Variants in MMP27 observed in about 807,000 individuals in gnomAD.
MMP27 encodes matrix metallopeptidase 27.
Under a neutral mutation model 48.1 loss-of-function variants are expected in MMP27, and 51 were observed. The observed-to-expected ratio is 1.06, with a 90% CI of 0.85 to 1.34. The LOEUF is 1.34. MMP27 is among the 40% of genes most tolerant of loss of function. MMP27 has a pLI of 0.00. For missense variants in MMP27, 698 were observed against 619.3 expected (o/e 1.13, Z -1.35); for synonymous variants, 229 against 208.9 (o/e 1.10, Z -0.83).
chr11:102,703,042 T>C lies in MMP27; in HGVS notation c.418A>G (p.Lys140Glu). ...AIQEGLEVWSKVTPLKFTKIS... is the reference protein window; with the variant it reads ...AIQEGLEVWSEVTPLKFTKIS... ...TTGGTGAATTTTAGTGGAGTGACTT[T>C]GCTCCACACTTCTAAACCTTCTTGG... The change falls in exon 3 of 10, where the codon AAA becomes GAA. Residue 140 changes from lysine to glutamate, a missense_variant. Physicochemically the swap from Lys to Glu is moderately conservative, Grantham distance 56 (BLOSUM62 1). Transcript: ENST00000260229. 1 of 1,614,116 alleles carries C rather than the reference T, an allele frequency of 6.2e-7. No individual in the cohort carries two copies. Among genetic ancestry groups the C allele is most frequent in the Non-Finnish European group, 8.5e-7 (1 of 1,179,922 alleles).
In MMP27 at chr11:102,694,034, A is replaced by T; in HGVS notation, c.1065T>A (p.Ala355=). ...DENFWMIRGY[A]VLPDYPKSIH... is the part of the protein sequence containing the mutation. The stretch of plus-strand genomic sequence containing the variant: ...TGGATTTGGGATAATCTGGCAAGAC[A>T]GCATATCCTCTGATCATCCAGAAGT... The change falls in exon 8 of 10, where the codon GCT becomes GCA. Residue 355 remains alanine, a synonymous_variant. Coordinates refer to ENST00000260229, the MANE Select transcript of MMP27 (RefSeq NM_022122.3). 6.2e-7 allele frequency: 1 copy of T among 1,602,718 alleles called. No homozygotes were observed. Among genetic ancestry groups the T allele is most frequent in the Non-Finnish European group, 8.5e-7 (1 of 1,175,022 alleles).
In MMP27 at chr11:102,704,547, G is replaced by C; in HGVS notation, c.331C>G (p.Leu111Val). 1 of 1,611,184 alleles carries C rather than the reference G, an allele frequency of 6.2e-7. No homozygotes were observed. Among genetic ancestry groups the C allele is most frequent in the South Asian group, 1.1e-5 (1 of 90,932 alleles). Residue 111 changes from leucine (L) to valine (V), a missense_variant, in exon 2 of 10, where the codon CTC (leucine) becomes GTC (valine). Leu to Val is a conservative substitution (Grantham distance 32, BLOSUM62 1). Transcript: ENST00000260229. ...TGGCAGAAGCATTACCTGTAGGTGAGGTTGTATTTTCTCCACCCAGGGAGG... is the reference window on the plus strand; with the variant it reads ...TGGCAGAAGCATTACCTGTAGGTGACGTTGTATTTTCTCCACCCAGGGAGG... ...YTLPGWRKYNLTYRIINYTPD... is the reference protein window; with the variant it reads ...YTLPGWRKYNVTYRIINYTPD...
intron 4 of MMP27, among the ~76,000 whole-genome samples, chr11:102,702,501 G>A (rs547057085): frequency 2.6e-5 from 4 of 152,298 alleles, no homozygotes; most frequent in Admixed American, 6.5e-5. Flanking sequence ...GTATAGTTCC[G>A]GGCACACAGT....
chr11:102,700,886 T>A (rs1261638518), intron 4 of MMP27, among the ~76,000 whole-genome samples: 1 of 152,258 alleles, frequency 6.6e-6, no homozygotes, highest in Non-Finnish European at 1.5e-5. Context: ...ATAGCATCAT[T>A]GGCAGATGAT....
intron 6 of MMP27, among the ~76,000 whole-genome samples, chr11:102,695,419 G>A (rs1216466458): frequency 6.6e-6 from 1 of 152,202 alleles, no homozygotes; most frequent in Non-Finnish European, 1.5e-5. Flanking sequence ...CCAACACCAA[G>A]CATTCCTAAG....
rs139015378 is a variant in MMP27, at chr11:102,704,685, C to T, written c.193G>A (p.Glu65Lys). The T allele has an allele frequency of 1.4e-5, 22 of 1,613,824 alleles. No homozygotes were observed. The highest frequency in any genetic ancestry group is 6.7e-5 in the African/African-American group (5 of 74,862). Reference sequence around the variant, plus strand: ...GTCAATCCAAAAAATGCTTGCATTTCCCGAATTTTGTCATCTATGAGACTC... The same window carrying T: ...GTCAATCCAAAAAATGCTTGCATTTTCCGAATTTTGTCATCTATGAGACTC... ...NRSLIDDKIREMQAFFGLTVT... is the reference protein window; with the variant it reads ...NRSLIDDKIRKMQAFFGLTVT... The change falls in exon 2 of 10, where the codon GAA becomes AAA. Residue 65 changes from glutamate to lysine, a missense_variant. By Grantham distance (56) the Glu-to-Lys change is moderately conservative. Transcript: ENST00000260229.
intron 2 of MMP27, 129 bp from the exon 3 acceptor site, chr11:102,703,247 AC>A: frequency 3.9e-6 from 3 of 769,856 alleles, no homozygotes; most frequent in Non-Finnish European, 6.1e-6. Flanking sequence ...CAATTATCTT[AC>A]AGTTGCATTA....
chr11:102,704,852 A>C, intron 1 of MMP27, 77 bp from the exon 2 acceptor site: 1 of 887,840 alleles, frequency 1.1e-6, no homozygotes, highest in Non-Finnish European at 1.7e-6. Flanking sequence ...GATAAAGCAA[A>C]ATTGCCTAAA....
chr11:102,697,689 G>C lies in MMP27; in HGVS notation c.620-854C>G, dbSNP rs143338776. The stretch of plus-strand genomic sequence containing the variant: ...GCTAATTTTCTTATTTATTTTTGTA[G>C]AGATGGGGGTCTCACTATGTTGCCC... On this transcript the variant is annotated intron_variant, in intron 4 of 9. Transcript: ENST00000260229. Among the ~76,000 whole-genome samples, 195 of 152,044 alleles carry C rather than the reference G, an allele frequency of 1.3e-3. 4 individuals are homozygous for C. In the East Asian group the frequency reaches 0.031, roughly 24 times the overall value.
At chr11:102,692,538 AGATTCTTAG>A (rs1318598369) in intron 9 of MMP27, among the ~76,000 whole-genome samples, 2 of 152,218 alleles carry the variant, frequency 1.3e-5, no homozygotes, top group African/African-American at 4.8e-5. Context: ...TTAAAACTGC[AGATTCTTAG>A]GTATCACTCA....
intron 4 of MMP27, among the ~76,000 whole-genome samples, chr11:102,699,039 T>A (rs1386984566): frequency 1.3e-5 from 2 of 152,176 alleles, no homozygotes; most frequent in Admixed American, 6.5e-5. Flanking sequence ...AAGTGTTGTC[T>A]AATGCAAAAA....
chr11:102,692,819 T>C, intron 9 of MMP27, 119 bp downstream of exon 9: 1 of 712,344 alleles, frequency 1.4e-6, no homozygotes, highest in Non-Finnish European at 2.4e-6. Context: ...TTTATTATTG[T>C]ATATACTTAA....
At chr11:102,705,068 C>T (rs1017576617) in intron 1 of MMP27, among the ~76,000 whole-genome samples, 7 of 152,118 alleles carry the variant, frequency 4.6e-5, no homozygotes, top group African/African-American at 9.7e-5. Context: ...AATGAAGCTT[C>T]GTCTGTCTGT....
chr11:102,704,627 T>C lies in MMP27; in HGVS notation c.251A>G (p.Glu84Gly), dbSNP rs778145533. The C allele has an allele frequency of 6.2e-6, 10 of 1,614,156 alleles. No homozygotes were observed. In the South Asian group the frequency reaches 9.9e-5, roughly 16 times the overall value. Residue 84 changes from glutamate (E) to glycine (G), a missense_variant, in exon 2 of 10, where the codon GAG becomes GGG. By Grantham distance (98) the Glu-to-Gly change is moderately conservative. Coordinates refer to ENST00000260229, the MANE Select transcript of MMP27 (RefSeq NM_022122.3). Reference sequence around the variant, plus strand: ...CCCACACCTGGGTGTCTTCATGATCTCAAGGGTGTTTGAGTCCAGTTTTCC... The same window carrying C: ...CCCACACCTGGGTGTCTTCATGATCCCAAGGGTGTTTGAGTCCAGTTTTCC... ...VTGKLDSNTLEIMKTPRCGVP... is the reference protein window; with the variant it reads ...VTGKLDSNTLGIMKTPRCGVP...
At position 102,695,018 on chromosome 11, in the gene MMP27, C is replaced by A; in HGVS notation, c.982G>T (p.Asp328Tyr). 6.2e-7 allele frequency: 1 copy of A among 1,613,968 alleles called. No individual in the cohort carries two copies. Among genetic ancestry groups the A allele is most frequent in the Non-Finnish European group, 8.5e-7 (1 of 1,179,930 alleles). Residue 328 changes from aspartate (D) to tyrosine (Y), a missense_variant, in exon 7 of 10, where the codon GAT becomes TAT. By Grantham distance (160) the Asp-to-Tyr change is radical (BLOSUM62 -3). Transcript: ENST00000260229. ...GGGTTCTCGTATGCAGCTTGCAGATCAGCTGGCAGAGATGGCCAGAATGAA... is the reference window on the plus strand; with the variant it reads ...GGGTTCTCGTATGCAGCTTGCAGATAAGCTGGCAGAGATGGCCAGAATGAA... ...IASFWPSLPA[D>Y]LQAAYENPRD...
chr11:102,704,439 G>T, intron 2 of MMP27, 98 bp downstream of exon 2: 1 of 930,762 alleles, frequency 1.1e-6, no homozygotes, highest in Non-Finnish European at 1.7e-6. Context: ...TGTGCACACA[G>T]GAAGTGCTCA....
chr11:102,704,828 A>G, intron 1 of MMP27, 53 bp from the exon 2 acceptor site: 4 of 1,246,154 alleles, frequency 3.2e-6, no homozygotes. Context: ...CAGGAGAGCA[A>G]ATCTCCATCT....
At chr11:102,704,331 C>T (rs1861003442) in intron 2 of MMP27, among the ~76,000 whole-genome samples, 1 of 152,184 alleles carries the variant, frequency 6.6e-6, no homozygotes, top group African/African-American at 2.4e-5. Context: ...GGTAAATAAA[C>T]TTTTGTTTCA....
intron 4 of MMP27, among the ~76,000 whole-genome samples, chr11:102,699,339 G>A (rs2036099126): frequency 6.6e-6 from 1 of 152,072 alleles, no homozygotes; most frequent in South Asian, 2.1e-4. Flanking sequence ...AAGGTGACCT[G>A]TGCCTGTAGT....
Sources: gnomAD v4.1 joint callset for allele counts (sites outside exome capture counted in the v4.1 genomes callset) on GRCh38, gnomAD v4.1.1 for gene constraint, MANE v1.5 for transcripts, NCBI Gene and HGNC (gene_info 2026-07-23, HGNC 2026-07-21) for gene names.